Variants in MAST2 observed in about 807,000 individuals in gnomAD.
MAST2 encodes microtubule-associated serine/threonine-protein kinase 2.
Under a neutral mutation model 147.4 loss-of-function variants are expected in MAST2, and 70 were observed. That is an observed-to-expected ratio of 0.47 (90% CI 0.39 to 0.58). MAST2 has a LOEUF of 0.58. Ranked by LOEUF, MAST2 falls within the 20% of genes least tolerant of loss-of-function variation. MAST2 has a pLI of 0.00. For missense variants in MAST2, 2,080 were observed against 2,302.3 expected, an observed-to-expected ratio of 0.90 and a Z score of 1.98; for synonymous variants, 869 against 896.8, an observed-to-expected ratio of 0.97 and a Z score of 0.55.
intron 3 of MAST2, among the ~76,000 whole-genome samples, chr1:45,838,699 T>G (rs1645180245): frequency 6.6e-6 from 1 of 152,218 alleles, no homozygotes; most frequent in African/African-American, 2.4e-5. Context: ...ACTTACATTT[T>G]CATTTTCTTA....
intron 3 of MAST2, among the ~76,000 whole-genome samples, chr1:45,857,173 T>C (rs1403093401): frequency 6.6e-6 from 1 of 152,218 alleles, no homozygotes; most frequent in Non-Finnish European, 1.5e-5. Flanking sequence ...GATTTTTATC[T>C]ATTTCTATTA....
chr1:45,919,137 A>C (rs1484356668), intron 4 of MAST2, among the ~76,000 whole-genome samples: 2 of 152,102 alleles, frequency 1.3e-5, no homozygotes, highest in Admixed American at 1.3e-4. Flanking sequence ...ACTAACAAAA[A>C]AACACACTCT....
intron 4 of MAST2, among the ~76,000 whole-genome samples, chr1:45,934,460 C>G (rs941695129): frequency 6.6e-6 from 1 of 151,752 alleles, no homozygotes; most frequent in African/African-American, 2.4e-5. Context: ...CACTCCAGCT[C>G]TGTTGCCTAG....
At chr1:45,943,260 T>C (rs922080891) in intron 4 of MAST2, among the ~76,000 whole-genome samples, 1 of 152,194 alleles carries the variant, frequency 6.6e-6, no homozygotes, top group Non-Finnish European at 1.5e-5. Context: ...AGAGTCTTGA[T>C]TGTCATGCTC....
At chr1:45,990,746 A>G (rs1644825941) in intron 5 of MAST2, among the ~76,000 whole-genome samples, 1 of 152,174 alleles carries the variant, frequency 6.6e-6, no homozygotes, top group African/African-American at 2.4e-5. Context: ...TCAGCCTCCC[A>G]AAGTGCTGGG....
chr1:45,932,434 C>A (rs1335382793), intron 4 of MAST2, among the ~76,000 whole-genome samples: 1 of 152,096 alleles, frequency 6.6e-6, no homozygotes, highest in African/African-American at 2.4e-5. Flanking sequence ...GTAATCCCAG[C>A]ACTTTGAGGT....
chr1:45,865,549 T>G (rs1457337329), intron 3 of MAST2, among the ~76,000 whole-genome samples: 1 of 152,116 alleles, frequency 6.6e-6, no homozygotes, highest in Non-Finnish European at 1.5e-5. Context: ...TTTTAAGAAC[T>G]TTTCTAAATT....
At chr1:45,900,729 T>C (rs369676874) in intron 4 of MAST2, among the ~76,000 whole-genome samples, 44,892 of 132,852 alleles carry the variant, frequency 0.34, 22,398 homozygotes, top group Non-Finnish European at 0.44. Context: ...CCTCCCAAAG[T>C]GCTGGGATTA....
At chr1:45,973,696 A>G (rs541333963) in intron 5 of MAST2, among the ~76,000 whole-genome samples, 2 of 152,352 alleles carry the variant, frequency 1.3e-5, no homozygotes, top group South Asian at 4.1e-4. Context: ...AAGAATGAGG[A>G]GAGACCCAAA....
intron 1 of MAST2, among the ~76,000 whole-genome samples, chr1:45,805,301 G>A (rs967440051): frequency 3.3e-5 from 5 of 151,596 alleles, no homozygotes; most frequent in African/African-American, 1.2e-4. Context: ...CGGGATTACA[G>A]GCATGAGCCA....
At chr1:45,898,490 T>C (rs1649150348) in intron 4 of MAST2, among the ~76,000 whole-genome samples, 1 of 152,198 alleles carries the variant, frequency 6.6e-6, no homozygotes, top group African/African-American at 2.4e-5. Context: ...TCCAAATCCA[T>C]GCAATATCTT....
At chr1:45,837,404 A>G (rs770581123) in intron 3 of MAST2, among the ~76,000 whole-genome samples, 1 of 152,198 alleles carries the variant, frequency 6.6e-6, no homozygotes, top group South Asian at 2.1e-4. Flanking sequence ...TTCACTTAGC[A>G]TAATCCTCCT....
intron 5 of MAST2, among the ~76,000 whole-genome samples, chr1:45,992,567 T>C (rs1644892937): frequency 6.6e-6 from 1 of 152,188 alleles, no homozygotes; most frequent in Admixed American, 6.5e-5. Flanking sequence ...TTAGGAATCA[T>C]GTTACAATCA....
chr1:45,917,197 T>C, intron 4 of MAST2: 1 of 365,964 alleles, frequency 2.7e-6, no homozygotes, highest in South Asian at 2.3e-5. Flanking sequence ...ACATTGGTAC[T>C]GAAGTATGAT....
intron 5 of MAST2, among the ~76,000 whole-genome samples, chr1:45,991,224 A>C (rs2149117067): frequency 6.6e-6 from 1 of 152,010 alleles, no homozygotes; most frequent in East Asian, 1.9e-4. Context: ...CTGTTTGTGG[A>C]GTCTCTGCTT....
chr1:45,849,206 A>G (rs1163280094), intron 3 of MAST2, among the ~76,000 whole-genome samples: 3 of 152,174 alleles, frequency 2.0e-5, no homozygotes, highest in African/African-American at 2.4e-5. Context: ...TACCAAGAAC[A>G]TTCTTCACAG....
rs535622209 is a variant in MAST2 at position 45,943,565 on chromosome 1, G to A, written c.501-15821G>A. Among the ~76,000 whole-genome samples, 7 of 152,236 alleles carry A rather than the reference G, an allele frequency of 4.6e-5. No individual in the cohort carries two copies. In the South Asian group the frequency reaches 1.5e-3, roughly 32 times the overall value. Reference sequence around the variant, plus strand: ...ACTTGAAGATCAAAAAGCATTCTTAGTTTAAGAATAGGTTTTGCTTTCATA... The same window carrying A: ...ACTTGAAGATCAAAAAGCATTCTTAATTTAAGAATAGGTTTTGCTTTCATA... On this transcript the variant is annotated intron_variant, in intron 4 of 28. Transcript: ENST00000361297.
chr1:45,953,921 A>G (rs1659293570), intron 4 of MAST2, among the ~76,000 whole-genome samples: 1 of 152,148 alleles, frequency 6.6e-6, no homozygotes, highest in Non-Finnish European at 1.5e-5. Context: ...TGGGGAGGGA[A>G]TATGTATTTT....
chr1:45,928,988 C>T (rs1002777516), intron 4 of MAST2, among the ~76,000 whole-genome samples: 1 of 151,942 alleles, frequency 6.6e-6, no homozygotes, highest in Non-Finnish European at 1.5e-5. Flanking sequence ...GGGGGCTTGA[C>T]CTGATTGTGG....
Sources: allele counts gnomAD v4.1 joint callset (sites outside exome capture counted in the v4.1 genomes callset), GRCh38; gene constraint gnomAD v4.1.1; transcripts MANE v1.5; gene names NCBI Gene and HGNC (gene_info 2026-07-23, HGNC 2026-07-21).